The following FBN1 variants were observed in gnomAD, a reference collection of about 807,000 sequenced individuals.
FBN1 encodes the protein fibrillin-1.
Under a neutral mutation model 365.1 loss-of-function variants are expected in FBN1, and 29 were observed. The observed-to-expected ratio is 0.08, with a 90% CI of 0.06 to 0.11. The LOEUF (loss-of-function observed/expected upper bound fraction) is 0.11. FBN1 is among the 10% of genes least tolerant of loss of function. The probability of loss-of-function intolerance (pLI) is 1.00; values close to 1 mark genes in which losing one functional copy is unlikely to be tolerated. For synonymous variants in FBN1, 1,210 were observed against 1,270.5 expected, an observed-to-expected ratio of 0.95 and a Z score of 1.01; for missense variants, 2,476 against 3,703.2, an observed-to-expected ratio of 0.67 and a Z score of 8.60.
intron 44 of FBN1, among the ~76,000 whole-genome samples, chr15:48,453,290 C>CAAAAAAAAAAAAAAAAAAAAAA: frequency 3.0e-5 from 1 of 32,912 alleles, no homozygotes; most frequent in Non-Finnish European, 7.6e-5. Flanking sequence ...AAAAATAAAA[C>CAAAAAAAAAAAAAAAAAAAAAA]AAACAAAAAA....
At chr15:48,505,293 AT>A in intron 15 of FBN1, 146 bp from the exon 16 acceptor site, 1 of 935,722 alleles carries the variant, frequency 1.1e-6, no homozygotes, top group Non-Finnish European at 1.7e-6. Flanking sequence ...TGGCATTCTC[AT>A]TTTCCTTTGA....
chr15:48,514,745 T>C (rs2043787369), intron 12 of FBN1, among the ~76,000 whole-genome samples: 1 of 152,206 alleles, frequency 6.6e-6, no homozygotes. Flanking sequence ...TTTCTTTTAA[T>C]GGTAGGGCTT....
intron 8 of FBN1, 117 bp downstream of exon 8, chr15:48,533,963 C>T (rs931870836): frequency 4.1e-5 from 57 of 1,395,110 alleles, no homozygotes; most frequent in Admixed American, 1.5e-4. Context: ...TTTACACATT[C>T]ACAGGGATGA....
chr15:48,445,269 A>C (rs1163396405), intron 48 of FBN1, 107 bp downstream of exon 48: 2 of 1,230,070 alleles, frequency 1.6e-6, no homozygotes, highest in Non-Finnish European at 2.4e-6. Flanking sequence ...TTCTACTCTG[A>C]CTTTTCCTCC....
intron 6 of FBN1, among the ~76,000 whole-genome samples, chr15:48,576,230 T>C (rs2044346431): frequency 6.6e-6 from 1 of 152,236 alleles, no homozygotes; most frequent in South Asian, 2.1e-4. Context: ...CTGACAACGT[T>C]GTCTTCTTCT....
intron 60 of FBN1, among the ~76,000 whole-genome samples, chr15:48,423,630 C>A (rs1018518343): frequency 6.6e-6 from 1 of 152,200 alleles, no homozygotes; most frequent in African/African-American, 2.4e-5. Flanking sequence ...GCAGCACTTG[C>A]TGCTCTTGCC....
At chr15:48,606,555 A>C (rs1420125886) in intron 4 of FBN1, among the ~76,000 whole-genome samples, 1 of 152,228 alleles carries the variant, frequency 6.6e-6, no homozygotes, top group Non-Finnish European at 1.5e-5. Flanking sequence ...AATGTAGAAC[A>C]GATTAGTGGT....
intron 38 of FBN1, among the ~76,000 whole-genome samples, chr15:48,467,282 C>T (rs938265478): frequency 5.3e-5 from 8 of 152,204 alleles, no homozygotes; most frequent in Non-Finnish European, 7.4e-5. Context: ...AGGTACTCAA[C>T]AAATATTTTT....
At chr15:48,494,857 G>T (rs1346330111) in intron 22 of FBN1, among the ~76,000 whole-genome samples, 2 of 152,092 alleles carry the variant, frequency 1.3e-5, no homozygotes, top group Non-Finnish European at 2.9e-5. Flanking sequence ...TAACCACAAG[G>T]TTCCCAAGAG....
intron 38 of FBN1, among the ~76,000 whole-genome samples, chr15:48,467,213 T>G (rs2043330465): frequency 2.0e-5 from 3 of 152,222 alleles, no homozygotes; most frequent in Admixed American, 1.3e-4. Context: ...CTATGCTGTA[T>G]TCTCCTGAAG....
At position 48,488,231 on chromosome 15, in the gene FBN1, T is replaced by C; in HGVS notation, c.3219A>G (p.Glu1073=). The change falls in exon 27 of 66, where the codon GAA becomes GAG. Residue 1073 remains glutamate, a synonymous_variant. Transcript: ENST00000316623. ...CACAGAGGTCAGGAGATATGCGGCA[T>C]TCGTCAATGTCTGCACAAAAACAGC... ...SEERNCTDID[E]CRISPDLCGR... is the part of the protein sequence containing the mutation. 1 of 1,614,242 alleles carries C rather than the reference T, an allele frequency of 6.2e-7. No individual in the cohort carries two copies. The highest frequency in any genetic ancestry group is 8.5e-7 in the Non-Finnish European group (1 of 1,180,042).
intron 2 of FBN1, among the ~76,000 whole-genome samples, chr15:48,617,381 G>C (rs1262627538): frequency 6.6e-6 from 1 of 151,788 alleles, no homozygotes; most frequent in Non-Finnish European, 1.5e-5. Flanking sequence ...CACCATATTG[G>C]CCAGGCTGGT....
intron 17 of FBN1, among the ~76,000 whole-genome samples, chr15:48,501,294 T>G (rs2141312291): frequency 6.6e-6 from 1 of 152,166 alleles, no homozygotes; most frequent in South Asian, 2.1e-4. Context: ...ATTATGGGAG[T>G]GAGTTAGTTA....
intron 30 of FBN1, 109 bp from the exon 31 acceptor site, chr15:48,484,052 C>A: frequency 9.3e-7 from 1 of 1,080,654 alleles, no homozygotes; most frequent in Admixed American, 1.9e-5. Flanking sequence ...TAGCATAAGA[C>A]TATTAACTCT....
chr15:48,415,304 T>C (rs574223235), intron 64 of FBN1, among the ~76,000 whole-genome samples: 1 of 152,340 alleles, frequency 6.6e-6, no homozygotes, highest in African/African-American at 2.4e-5. Flanking sequence ...AGAAGTCATA[T>C]AGCGAGATAT....
intron 36 of FBN1, 135 bp downstream of exon 36, chr15:48,470,499 T>TA (rs2043363000): frequency 8.5e-7 from 1 of 1,178,428 alleles, no homozygotes; most frequent in Non-Finnish European, 1.2e-6. Context: ...TGAGAAAAGG[T>TA]ATCTGTGATT....
intron 46 of FBN1, among the ~76,000 whole-genome samples, chr15:48,447,482 T>C (rs1223463324): frequency 2.0e-5 from 3 of 152,224 alleles, no homozygotes; most frequent in East Asian, 1.9e-4. Context: ...TTTTCTCTGA[T>C]GATTTTGTAA....
At chr15:48,641,330 G>T (rs771818761) in intron 2 of FBN1, 15 of 152,058 alleles carry the variant, frequency 9.9e-5, no homozygotes, top group African/African-American at 1.7e-4. Flanking sequence ...CTGCAACAGG[G>T]GGGGAGGAGA....
intron 47 of FBN1, among the ~76,000 whole-genome samples, chr15:48,445,971 G>A (rs1206657211): frequency 6.6e-6 from 1 of 152,054 alleles, no homozygotes; most frequent in African/African-American, 2.4e-5. Flanking sequence ...TAGATTCAAT[G>A]ATTTATTTAA....
Sources: allele counts gnomAD v4.1 joint callset (sites outside exome capture counted in the v4.1 genomes callset), GRCh38; gene constraint gnomAD v4.1.1; transcripts MANE v1.5; gene names NCBI Gene and HGNC (gene_info 2026-07-23, HGNC 2026-07-21).